DOT1L: variants seen among roughly 807,000 people sequenced by gnomAD.
DOT1L encodes histone-lysine N-methyltransferase, H3 lysine-79 specific.
Under a neutral mutation model 153.3 loss-of-function variants are expected in DOT1L, and 33 were observed. The observed-to-expected ratio is 0.22, with a 90% CI of 0.16 to 0.29. DOT1L has a LOEUF of 0.29. Among genes scored for constraint, DOT1L ranks in the 10% least tolerant of loss-of-function variants. The pLI is 1.00. For synonymous variants in DOT1L, 1,135 were observed against 965.1 expected, an observed-to-expected ratio of 1.18 and a Z score of -3.26; for missense variants, 1,847 against 2,119.9, an observed-to-expected ratio of 0.87 and a Z score of 2.53.
chr19:2,218,154 T>C (rs2023973336), intron 22 of DOT1L, among the ~76,000 whole-genome samples: 1 of 152,196 alleles, frequency 6.6e-6, no homozygotes, highest in South Asian at 2.1e-4. Context: ...GCCTCACACC[T>C]TCTGGGTTGA....
intron 7 of DOT1L, among the ~76,000 whole-genome samples, chr19:2,195,924 G>A (rs557111255): frequency 6.6e-6 from 1 of 152,236 alleles, no homozygotes; most frequent in Non-Finnish European, 1.5e-5. Flanking sequence ...TACAGTTCCA[G>A]TCCCCTCCCA....
chr19:2,164,317 C>A, intron 1 of DOT1L, 52 bp downstream of exon 1: 1 of 1,201,988 alleles, frequency 8.3e-7, no homozygotes. Context: ...TCCTCCGCCG[C>A]CCCTGGGGAC....
chr19:2,229,698 G>A, intron 27 of DOT1L, 87 bp from the exon 28 acceptor site: 1 of 1,607,794 alleles, frequency 6.2e-7, no homozygotes, highest in Non-Finnish European at 8.5e-7. Context: ...CTCGTGGGAG[G>A]CCTCGGTCCC....
chr19:2,175,872 CAAAA>C (rs1481519046), intron 1 of DOT1L, among the ~76,000 whole-genome samples: 1 of 151,996 alleles, frequency 6.6e-6, no homozygotes, highest in Admixed American at 6.6e-5. Context: ...AACTCCGTCT[CAAAA>C]AAAGAAAGGA....
In DOT1L at chr19:2,191,308, C is replaced by A; in HGVS notation, c.493+68C>A. On this transcript the variant is annotated intron_variant, in intron 5 of 27. Coordinates refer to ENST00000398665, the MANE Select transcript of DOT1L (RefSeq NM_032482.3). This position sits in a 1 kb window ranked among gnomAD's most constrained non-coding sequence, Gnocchi z 6.8. ...CCACACGCTCTGTGCCTGCCCCATGCCTGCTTGGAGAAGAGTTTATCAGGG... is the reference window on the plus strand; with the variant it reads ...CCACACGCTCTGTGCCTGCCCCATGACTGCTTGGAGAAGAGTTTATCAGGG... 6.7e-7 allele frequency: 1 copy of A among 1,499,868 alleles called. No individual in the cohort carries two copies. The highest frequency in any genetic ancestry group is 9.2e-7 in the Non-Finnish European group (1 of 1,082,372). 92.9% of individuals were successfully genotyped at this position (1,499,868 alleles called of 1,614,324 possible).
At chr19:2,181,046 C>G (rs949277377) in intron 2 of DOT1L, among the ~76,000 whole-genome samples, 1 of 152,188 alleles carries the variant, frequency 6.6e-6, no homozygotes, top group Non-Finnish European at 1.5e-5. Context: ...GGGTTTTGGG[C>G]CGACCTTCAC....
At chr19:2,176,514 A>G (rs1473227418) in intron 1 of DOT1L, among the ~76,000 whole-genome samples, 1 of 152,206 alleles carries the variant, frequency 6.6e-6, no homozygotes, top group Non-Finnish European at 1.5e-5. Flanking sequence ...AGAGCAGGCA[A>G]GGGCAGGTGA....
Position 2,230,753 on chromosome 19 carries a change from A to G in DOT1L, c.*961A>G. 2.5e-6 allele frequency: 1 copy of G among 397,194 alleles called. No individual in the cohort carries two copies. Among genetic ancestry groups the G allele is most frequent in the Non-Finnish European group, 4.4e-6 (1 of 225,728 alleles). The allele number at this position is 397,194 out of a possible 1,614,324, so 24.6% of individuals were successfully genotyped here. On this transcript the variant is annotated 3_prime_UTR_variant, in exon 28 of 28. Transcript: ENST00000398665. ...AGAGGAAAGAAAAGCGAGGGGAAAA[A>G]ACCTTATTTATTCAAACAGTGCACA... is the stretch of plus-strand genomic sequence containing the variant.
intron 1 of DOT1L, among the ~76,000 whole-genome samples, chr19:2,164,876 T>C (rs1484837360): frequency 6.6e-6 from 1 of 152,202 alleles, no homozygotes; most frequent in Non-Finnish European, 1.5e-5. Flanking sequence ...TTTGACCTGT[T>C]AATCCTAGTT....
At chr19:2,214,660 G>A (rs1011488655) in intron 19 of DOT1L, 64 bp downstream of exon 19, 4 of 1,583,282 alleles carry the variant, frequency 2.5e-6, no homozygotes, top group East Asian at 2.3e-5. Flanking sequence ...TCCCTGTGAC[G>A]TCGTTGAGCC....
At chr19:2,171,968 A>G (rs2144661954) in intron 1 of DOT1L, among the ~76,000 whole-genome samples, 2 of 152,282 alleles carry the variant, frequency 1.3e-5, no homozygotes, top group Middle Eastern at 6.8e-3. Flanking sequence ...CCTTCCTGGT[A>G]TCTCAGACTC....
intron 22 of DOT1L, among the ~76,000 whole-genome samples, chr19:2,219,784 G>A (rs118025671): frequency 0.042 from 6,402 of 152,256 alleles, 206 homozygotes; most frequent in Non-Finnish European, 0.065. Context: ...GAACACAGCC[G>A]CTTCCCGGTG....
intron 1 of DOT1L, among the ~76,000 whole-genome samples, chr19:2,174,786 T>TGA: frequency 7.0e-6 from 1 of 143,204 alleles, no homozygotes; most frequent in Admixed American, 6.8e-5. Flanking sequence ...GCCCAGCTAG[T>TGA]TAAAAAAAAA....
rs1427009840 is a variant in DOT1L at position 2,197,817 on chromosome 19, C to T, written c.652-2067C>T. On this transcript the variant is annotated intron_variant, in intron 7 of 27. Transcript: ENST00000398665. This position sits in a 1 kb window ranked among gnomAD's most constrained non-coding sequence, Gnocchi z 4.1. The stretch of plus-strand genomic sequence containing the variant: ...ACCAGCCTCTGCCTCTGGCATCCGT[C>T]CTGTTTACAGCCAACCCTGCTGCGG... Among the ~76,000 whole-genome samples, 1 of 152,210 alleles carries T rather than the reference C, an allele frequency of 6.6e-6. No individual in the cohort carries two copies. Among genetic ancestry groups the T allele is most frequent in the Non-Finnish European group, 1.5e-5 (1 of 68,042 alleles).
chr19:2,187,733 T>C (rs972323279), intron 3 of DOT1L, among the ~76,000 whole-genome samples: 2 of 152,026 alleles, frequency 1.3e-5, no homozygotes, highest in African/African-American at 4.8e-5. Context: ...CCATCCTCGC[T>C]AGCACAGTGA....
chr19:2,171,230 G>A (rs545856612), intron 1 of DOT1L, among the ~76,000 whole-genome samples: 8 of 152,296 alleles, frequency 5.3e-5, no homozygotes, highest in African/African-American at 9.6e-5. Flanking sequence ...GGGGTCTAAG[G>A]TACAGCAGGG....
Position 2,230,557 on chromosome 19 carries a change from G to A in DOT1L, c.*765G>A, listed in dbSNP as rs1303759053. ...ACTTTTGTATTTCTCGGCTGTCCAT[G>A]GCTCGCAGCATGCCCTGCGATGCGG... is the stretch of plus-strand genomic sequence containing the variant. On this transcript the variant is annotated 3_prime_UTR_variant, in exon 28 of 28. Coordinates refer to ENST00000398665, the MANE Select transcript of DOT1L (RefSeq NM_032482.3). 16 of 398,636 alleles carry A rather than the reference G, an allele frequency of 4.0e-5. No homozygotes were observed. Among genetic ancestry groups the A allele is most frequent in the Non-Finnish European group, 7.1e-5 (16 of 226,134 alleles). 24.7% of individuals were successfully genotyped at this position (398,636 alleles called of 1,614,324 possible). A position where few individuals can be genotyped will look rare whatever the true frequency, so the allele number is the denominator to read the frequency against.
chr19:2,174,555 G>A (rs4807210), intron 1 of DOT1L, among the ~76,000 whole-genome samples: 11,746 of 150,778 alleles, frequency 0.078, 868 homozygotes, highest in African/African-American at 0.18. Flanking sequence ...GTGTGGTGGC[G>A]CACGCCTGTA....
chr19:2,227,135 G>GGGC lies in DOT1L; in HGVS notation c.4606+12_4606+14dup. Reference sequence around the variant, plus strand: ...CAGGCGGCACAGTTGGAGGTAGGCAGGGCGGCCGTCCGTCCGCCCCCCGCC... The same window carrying GGGC: ...CAGGCGGCACAGTTGGAGGTAGGCAGGGCGGCGGCCGTCCGTCCGCCCCCCGCC... On this transcript the variant is annotated intron_variant, in intron 27 of 27. Transcript: ENST00000398665. The GGGC allele has an allele frequency of 6.4e-7, 1 of 1,556,708 alleles. No homozygotes were observed. Among genetic ancestry groups the GGGC allele is most frequent in the Non-Finnish European group, 8.6e-7 (1 of 1,161,434 alleles).
Sources: gnomAD v4.1 joint callset for allele counts (sites outside exome capture counted in the v4.1 genomes callset) on GRCh38, gnomAD v4.1.1 for gene constraint, Gnocchi (gnomAD v3.1) non-coding constraint, MANE v1.5 for transcripts, NCBI Gene and HGNC (gene_info 2026-07-23, HGNC 2026-07-21) for gene names.